The following ESR1 variants were observed in gnomAD, a reference collection of about 807,000 sequenced individuals.
ESR1 encodes estrogen receptor.
In ESR1, 12 loss-of-function variants were observed where a neutral mutation model predicts 52.7. The observed-to-expected ratio is 0.23, with a 90% CI of 0.15 to 0.37. The LOEUF (loss-of-function observed/expected upper bound fraction) is 0.37, where lower values mean the gene tolerates loss of function less well. ESR1 is among the 10% of genes least tolerant of loss of function. The pLI, the probability that ESR1 is intolerant of heterozygous loss-of-function variation, is 1.00. For synonymous variants in ESR1, 305 were observed against 316.8 expected (o/e 0.96, Z 0.39); for missense variants, 584 against 779.7 (o/e 0.75, Z 2.99).
chr6:151,803,266 A>T (rs187063263), upstream of ESR1, among the ~76,000 whole-genome samples: 1 of 152,302 alleles, frequency 6.6e-6, no homozygotes, highest in East Asian at 1.9e-4. Flanking sequence ...AATGCATGAT[A>T]ACTACTACTA....
chr6:151,864,567 A>T (rs1789502129), intron 2 of ESR1, among the ~76,000 whole-genome samples: 1 of 152,138 alleles, frequency 6.6e-6, no homozygotes. Context: ...ATACCATTTG[A>T]CCCAGCCATC....
chr6:151,777,093 A>T (rs1191702477), intron 2 of ESR1, among the ~76,000 whole-genome samples: 1 of 149,712 alleles, frequency 6.7e-6, no homozygotes, highest in East Asian at 2.0e-4. Flanking sequence ...GGCTTGTACA[A>T]CTCTGAGGTC....
intron 2 of ESR1, among the ~76,000 whole-genome samples, chr6:151,737,557 A>T (rs1010639886): frequency 4.6e-5 from 7 of 152,168 alleles, no homozygotes; most frequent in Admixed American, 1.3e-4. Context: ...TCCTTGAGTA[A>T]ATGTATGTGG....
rs759215856 is a variant in ESR1, at chr6:152,094,151, G to A, written c.1370-234G>A. ...CCCCAAGGCTAACAGCCCCTTTCTG[G>A]GTCATGGCTCATACAAAGGAGCCCT... On this transcript the variant is annotated intron_variant, in intron 6 of 7. Coordinates refer to ENST00000206249, the MANE Select transcript of ESR1 (RefSeq NM_000125.4). The surrounding 1 kb of genome is among the most constrained non-coding windows in gnomAD (Gnocchi z 4.6). Among the ~76,000 whole-genome samples the A allele has an allele frequency of 2.0e-5, 3 of 152,142 alleles. No homozygotes were observed. Among genetic ancestry groups the A allele is most frequent in the Non-Finnish European group, 2.9e-5 (2 of 68,016 alleles).
intron 4 of ESR1, among the ~76,000 whole-genome samples, chr6:152,001,782 G>A (rs747048574): frequency 2.0e-4 from 31 of 152,018 alleles, no homozygotes; most frequent in Non-Finnish European, 4.1e-4. Context: ...TCTTTGGTTG[G>A]TTGCTCTCTC....
At chr6:151,699,671 C>G (rs576152071) in intron 1 of ESR1, among the ~76,000 whole-genome samples, 1 of 152,218 alleles carries the variant, frequency 6.6e-6, no homozygotes, top group South Asian at 2.1e-4. Flanking sequence ...GAAGAAATGT[C>G]AGAATACATA....
At chr6:152,007,174 G>A (rs2042398975) in intron 4 of ESR1, among the ~76,000 whole-genome samples, 1 of 151,986 alleles carries the variant, frequency 6.6e-6, no homozygotes, top group African/African-American at 2.4e-5. Flanking sequence ...GAGGCTTCAA[G>A]AATCTCTGTG....
intron 2 of ESR1, among the ~76,000 whole-genome samples, chr6:151,766,140 T>A (rs1361784910): frequency 6.6e-6 from 1 of 152,216 alleles, no homozygotes; most frequent in Non-Finnish European, 1.5e-5. Context: ...AATATGTACC[T>A]GTATAAAATT....
intron 3 of ESR1, among the ~76,000 whole-genome samples, chr6:151,904,511 G>A (rs781038366): frequency 2.6e-5 from 4 of 152,022 alleles, no homozygotes; most frequent in Non-Finnish European, 4.4e-5. Flanking sequence ...CATACTTGGG[G>A]ATTCCCTATA....
At chr6:151,931,634 G>A (rs2033627399) in intron 3 of ESR1, among the ~76,000 whole-genome samples, 1 of 132,566 alleles carries the variant, frequency 7.5e-6, no homozygotes. Flanking sequence ...CCCAGAGTGT[G>A]ATATTCCCCT....
chr6:152,036,800 C>G (rs1161655283), intron 5 of ESR1, among the ~76,000 whole-genome samples: 1 of 152,176 alleles, frequency 6.6e-6, no homozygotes, highest in Non-Finnish European at 1.5e-5. Flanking sequence ...GGATGGAAGA[C>G]AAGATACTGC....
At chr6:152,026,037 T>G (rs1474146394) in intron 5 of ESR1, among the ~76,000 whole-genome samples, 1 of 152,070 alleles carries the variant, frequency 6.6e-6, no homozygotes, top group Non-Finnish European at 1.5e-5. Flanking sequence ...TTTTTTGTTT[T>G]ACTGTTTATA....
chr6:152,125,406 G>A (rs1357550298), exon 7 of ESR1: 23 of 1,511,986 alleles, frequency 1.5e-5, no homozygotes, highest in African/African-American at 2.8e-5. Context: ...GTGTGTGGAC[G>A]TGGGGACATT....
intron 3 of ESR1, among the ~76,000 whole-genome samples, chr6:151,910,640 A>G (rs998785801): frequency 2.0e-5 from 3 of 152,148 alleles, no homozygotes; most frequent in South Asian, 4.1e-4. Flanking sequence ...TAATGGGCCA[A>G]TTTCTAAATA....
intron 3 of ESR1, among the ~76,000 whole-genome samples, chr6:151,933,134 C>T (rs1481422383): frequency 6.6e-6 from 1 of 151,824 alleles, no homozygotes; most frequent in Non-Finnish European, 1.5e-5. Context: ...TTTCATTGAG[C>T]AGTGGTTTGT....
Position 152,002,185 on chromosome 6 carries a change from A to AGTGTGTGTGTGTGTGT in ESR1, c.1097-9449_1097-9434dup, listed in dbSNP as rs10578838. Among the ~76,000 whole-genome samples, 1,332 of 141,444 alleles carry AGTGTGTGTGTGTGTGT rather than the reference A, an allele frequency of 9.4e-3. 11 individuals are homozygous for AGTGTGTGTGTGTGTGT. Among genetic ancestry groups the AGTGTGTGTGTGTGTGT allele is most frequent in the East Asian group, 0.014 (67 of 4,758 alleles). The allele number at this position is 141,444 out of a possible 152,430, so 92.8% of individuals were successfully genotyped here. A position where few individuals can be genotyped will look rare whatever the true frequency, so the allele number is the denominator to read the frequency against. On this transcript the variant is annotated intron_variant, in intron 4 of 7. Coordinates refer to ENST00000206249, the MANE Select transcript of ESR1 (RefSeq NM_000125.4). ...AGGTGTTCCTCTAGATTTTAAATCA[A>AGTGTGTGTGTGTGTGT]GTGTGTGTGTGTGTGTGTGTGTGTG...
intron 5 of ESR1, among the ~76,000 whole-genome samples, chr6:152,046,788 G>A (rs1031584571): frequency 5.3e-5 from 8 of 152,186 alleles, no homozygotes; most frequent in African/African-American, 1.4e-4. Context: ...TCCATGGATA[G>A]CATTACTCTC....
chr6:151,729,710 T>G (rs1391946622), intron 2 of ESR1, among the ~76,000 whole-genome samples: 2 of 152,086 alleles, frequency 1.3e-5, no homozygotes, highest in Non-Finnish European at 2.9e-5. Flanking sequence ...AAACTGAAGC[T>G]CAGAGACATT....
chr6:151,740,285 A>ATTTTTTTTTTTTTTTTTTTTTTTTTTTT (rs386408967), intron 2 of ESR1, among the ~76,000 whole-genome samples: 2 of 108,008 alleles, frequency 1.9e-5, no homozygotes, highest in Non-Finnish European at 3.6e-5. Flanking sequence ...TGCCTGGCTA[A>ATTTTTTTTTTTTTTTTTTTTTTTTTTTT]TTTTTTTTTT....
Sources: allele counts gnomAD v4.1 joint callset (sites outside exome capture counted in the v4.1 genomes callset), GRCh38; gene constraint gnomAD v4.1.1; non-coding constraint Gnocchi (gnomAD v3.1); transcripts MANE v1.5; gene names NCBI Gene and HGNC (gene_info 2026-07-23, HGNC 2026-07-21).